CDH13: variants seen among roughly 807,000 people sequenced by gnomAD.
CDH13 encodes the protein cadherin 13, also known as cadherin-13.
Under a neutral mutation model 63.8 loss-of-function variants are expected in CDH13, and 24 were observed. That is an observed-to-expected ratio of 0.38 (90% CI 0.27 to 0.53). CDH13 has a LOEUF of 0.53. CDH13 is among the 20% of genes least tolerant of loss of function. The pLI is 0.85. For missense variants in CDH13, 1,049 were observed against 903.1 expected (o/e 1.16, Z -2.07); for synonymous variants, 503 against 355.3 (o/e 1.42, Z -4.67).
chr16:82,631,935 G>T (rs183332822), intron 1 of CDH13, among the ~76,000 whole-genome samples: 2 of 152,108 alleles, frequency 1.3e-5, no homozygotes, highest in East Asian at 3.9e-4. Context: ...TGCAACTCTG[G>T]CTTCTGGGCA....
chr16:82,976,693 C>G (rs754794719), intron 2 of CDH13, among the ~76,000 whole-genome samples: 1 of 152,154 alleles, frequency 6.6e-6, no homozygotes, highest in African/African-American at 2.4e-5. Context: ...GGGGTTCAGA[C>G]TCCCAAATAG....
At chr16:82,897,975 A>G (rs574989668) in intron 2 of CDH13, among the ~76,000 whole-genome samples, 2 of 152,360 alleles carry the variant, frequency 1.3e-5, no homozygotes, top group Admixed American at 6.5e-5. Context: ...GCACCGTCCA[A>G]TACAGTAAGC....
At chr16:83,766,605 G>T (rs1179643077) in intron 11 of CDH13, among the ~76,000 whole-genome samples, 1 of 152,194 alleles carries the variant, frequency 6.6e-6, no homozygotes, top group African/African-American at 2.4e-5. Flanking sequence ...CCTCTGGGAA[G>T]ATTTGGGACA....
intron 7 of CDH13, among the ~76,000 whole-genome samples, chr16:83,490,555 AT>A (rs1308770255): frequency 2.6e-5 from 4 of 152,150 alleles, no homozygotes; most frequent in African/African-American, 9.7e-5. Flanking sequence ...GGCAGCCACT[AT>A]TCTTGAAAGA....
chr16:83,582,858 A>G (rs1598327593), intron 7 of CDH13, among the ~76,000 whole-genome samples: 1 of 152,230 alleles, frequency 6.6e-6, no homozygotes, highest in South Asian at 2.1e-4. Context: ...TCTAAGAAGC[A>G]TGGTCCATCC....
At position 83,688,120 on chromosome 16, in the gene CDH13, A is replaced by G. The variant is rs377221397; in HGVS notation, c.1538+9659A>G. ...AATTTCCATTTTTACTGGTCTTCCC[A>G]TGATTCATCAAGTCCTTTTCTTTAA... On this transcript the variant is annotated intron_variant, in intron 10 of 13. Transcript: ENST00000567109. 2.3e-4 allele frequency among the ~76,000 whole-genome samples: 35 copies of G among 152,372 alleles called. No individual in the cohort carries two copies. In the South Asian group the frequency reaches 6.4e-3, roughly 28 times the overall value.
intron 10 of CDH13, among the ~76,000 whole-genome samples, chr16:83,692,869 G>C (rs1905045011): frequency 6.6e-6 from 1 of 152,134 alleles, no homozygotes; most frequent in Non-Finnish European, 1.5e-5. Flanking sequence ...GGATCACGAG[G>C]TCAGGAGTTC....
intron 7 of CDH13, among the ~76,000 whole-genome samples, chr16:83,508,027 G>A (rs544426067): frequency 2.1e-5 from 3 of 140,128 alleles, no homozygotes; most frequent in East Asian, 2.1e-4. Flanking sequence ...AGCAACATTC[G>A]GTCGAAAGAA....
intron 3 of CDH13, among the ~76,000 whole-genome samples, chr16:83,106,895 G>T (rs553545696): frequency 6.6e-6 from 1 of 151,466 alleles, no homozygotes; most frequent in South Asian, 2.1e-4. Flanking sequence ...CTATGTGGAT[G>T]ATTTTTTTTT....
At chr16:83,704,955 C>G (rs560952704) in intron 10 of CDH13, among the ~76,000 whole-genome samples, 118 of 152,316 alleles carry the variant, frequency 7.7e-4, no homozygotes, top group African/African-American at 2.8e-3. Flanking sequence ...ACTTTTGTTT[C>G]CAATCATTTA....
chr16:83,418,182 T>G (rs1451750449), intron 6 of CDH13, among the ~76,000 whole-genome samples: 1 of 152,212 alleles, frequency 6.6e-6, no homozygotes, highest in South Asian at 2.1e-4. Context: ...TGCTACACTT[T>G]TCCTCATTTG....
At chr16:83,740,582 CA>C (rs1911966742) in intron 10 of CDH13, among the ~76,000 whole-genome samples, 1 of 152,164 alleles carries the variant, frequency 6.6e-6, no homozygotes, top group South Asian at 2.1e-4. Context: ...CATGTGCCAT[CA>C]GAAGATGCCA....
intron 7 of CDH13, among the ~76,000 whole-genome samples, chr16:83,602,000 G>C (rs943991835): frequency 8.1e-5 from 12 of 149,040 alleles, no homozygotes; most frequent in African/African-American, 3.0e-4. Context: ...GGCTGAGGCA[G>C]GAGAATCGCT....
intron 2 of CDH13, among the ~76,000 whole-genome samples, chr16:83,030,096 C>T (rs553605438): frequency 6.6e-6 from 1 of 152,200 alleles, no homozygotes; most frequent in Non-Finnish European, 1.5e-5. Flanking sequence ...GTGTCAATGC[C>T]CTGTGCTCCA....
At chr16:83,733,641 G>C (rs1567559799) in intron 10 of CDH13, among the ~76,000 whole-genome samples, 2 of 152,180 alleles carry the variant, frequency 1.3e-5, no homozygotes. Flanking sequence ...CTTGGTCTGA[G>C]CTGGACTCAG....
At chr16:82,974,971 G>T (rs930564210) in intron 2 of CDH13, among the ~76,000 whole-genome samples, 1 of 152,186 alleles carries the variant, frequency 6.6e-6, no homozygotes, top group Non-Finnish European at 1.5e-5. Flanking sequence ...CTGTAATGGC[G>T]CTGGGTCAGT....
chr16:83,474,037 T>A (rs1004899923), intron 6 of CDH13, among the ~76,000 whole-genome samples: 1 of 152,208 alleles, frequency 6.6e-6, no homozygotes, highest in Non-Finnish European at 1.5e-5. Flanking sequence ...TGTGTCCCTC[T>A]GAGCCCATAC....
chr16:83,228,620 G>A (rs1418183933), intron 5 of CDH13, among the ~76,000 whole-genome samples: 2 of 152,120 alleles, frequency 1.3e-5, no homozygotes, highest in South Asian at 2.1e-4. Flanking sequence ...AGACGCGGAC[G>A]GGGCAGGAAG....
intron 10 of CDH13, chr16:83,710,590 G>C (rs1907885448): frequency 6.6e-6 from 1 of 151,814 alleles, no homozygotes; most frequent in South Asian, 2.1e-4. Flanking sequence ...TGAAGAAGGA[G>C]GACTCTGGAA....
Sources: allele counts gnomAD v4.1 joint callset (sites outside exome capture counted in the v4.1 genomes callset), GRCh38; gene constraint gnomAD v4.1.1; transcripts MANE v1.5; gene names NCBI Gene and HGNC (gene_info 2026-07-23, HGNC 2026-07-21).